DOP1B: variants seen among roughly 807,000 people sequenced by gnomAD.
DOP1B encodes DOP1 leucine zipper like protein B.
Under a neutral mutation model 233.5 loss-of-function variants are expected in DOP1B, and 174 were observed. The observed-to-expected ratio is 0.75, with a 90% CI of 0.66 to 0.85. The LOEUF is 0.85. DOP1B is among the 40% of genes least tolerant of loss of function. The pLI is 0.00. For synonymous variants in DOP1B, 1,190 were observed against 1,185.6 expected, an observed-to-expected ratio of 1.00 and a Z score of -0.08; for missense variants, 2,652 against 2,846.6, an observed-to-expected ratio of 0.93 and a Z score of 1.56.
chr21:36,173,381 C>CAGCATCAT (rs1192670981), intron 2 of DOP1B, among the ~76,000 whole-genome samples: 5 of 151,664 alleles, frequency 3.3e-5, no homozygotes, highest in Non-Finnish European at 5.9e-5. Flanking sequence ...CTCAATGTTT[C>CAGCATCAT]AGCATCATTT....
intron 4 of DOP1B, 112 bp downstream of exon 4, chr21:36,200,613 G>A (rs1372866801): frequency 1.5e-6 from 2 of 1,320,122 alleles, no homozygotes; most frequent in African/African-American, 1.5e-5. Flanking sequence ...GAAGGCCAAG[G>A]TGGGTGGATC....
In DOP1B at chr21:36,270,138, T is replaced by G. The variant is rs768080002; in HGVS notation, c.5613T>G (p.Asp1871Glu). 19 of 1,614,010 alleles carry G rather than the reference T, an allele frequency of 1.2e-5. 1 individual carries two copies. Among genetic ancestry groups the G allele is most frequent in the Middle Eastern group, 3.3e-4 (2 of 6,078 alleles). ...CTCAGGCCTCTCTAGAAGAATCTGA[T>G]GCTGAGGAGGACCTGTATGGTAGGT... ...AQPQASLEES[D>E]AEEDLYDAAA... Residue 1871 changes from aspartate to glutamate, a missense_variant, in exon 27 of 37, where the codon GAT becomes GAG. Around this residue, in one of 3 missense-constraint regions of DOP1B, gnomAD observed 2,617 missense variants for 2,794.3 expected, o/e 0.94. Transcript: ENST00000691173.
chr21:36,227,160 A>T (rs1305068250), intron 12 of DOP1B, among the ~76,000 whole-genome samples: 1 of 150,886 alleles, frequency 6.6e-6, no homozygotes, highest in Non-Finnish European at 1.5e-5. Flanking sequence ...GTGAGCCGAG[A>T]TCACACCACT....
At chr21:36,208,595 T>G (rs1601412593) in intron 4 of DOP1B, 120 bp from the exon 5 acceptor site, 34 of 1,056,300 alleles carry the variant, frequency 3.2e-5, no homozygotes. Context: ...ATGAGGAAGG[T>G]GGGGCTTCCC....
At chr21:36,253,520 C>T (rs1182087897) in intron 22 of DOP1B, among the ~76,000 whole-genome samples, 1 of 152,002 alleles carries the variant, frequency 6.6e-6, no homozygotes, top group African/African-American at 2.4e-5. Context: ...TTGAGACCAG[C>T]CTAGCCAACA....
In DOP1B at chr21:36,187,094, C is replaced by A. The variant is rs565173700; in HGVS notation, c.139-11976C>A. 1.2e-4 allele frequency among the ~76,000 whole-genome samples: 16 copies of A among 138,122 alleles called. No homozygotes were observed. In the East Asian group the frequency reaches 3.3e-3, roughly 29 times the overall value. 90.6% of individuals were successfully genotyped at this position (138,122 alleles called of 152,430 possible). On this transcript the variant is annotated intron_variant, in intron 2 of 36. Coordinates refer to ENST00000691173, the MANE Select transcript of DOP1B (RefSeq NM_001320714.2). ...GCTCAGGCCTTGGCTTCAGCAATGT[C>A]ATTCCCCCAGCAGACGGTGAGTGGG...
chr21:36,235,145 C>T (rs1051883997), intron 15 of DOP1B, among the ~76,000 whole-genome samples: 54 of 152,210 alleles, frequency 3.5e-4, no homozygotes, highest in African/African-American at 1.3e-3. Flanking sequence ...CAGCTAGTGC[C>T]TGTCCCTGTT....
chr21:36,169,230 C>A (rs1038164013), intron 2 of DOP1B: 6 of 985,898 alleles, frequency 6.1e-6, no homozygotes, highest in Non-Finnish European at 9.7e-6. Context: ...ACAAAGCCAC[C>A]CAGAAGGTCG....
chr21:36,261,754 A>G, intron 24 of DOP1B: 1 of 738,796 alleles, frequency 1.4e-6, no homozygotes, highest in Non-Finnish European at 1.7e-6. Flanking sequence ...CTAAAACTAC[A>G]AAAAATTAGC....
intron 26 of DOP1B, 112 bp from the exon 27 acceptor site, chr21:36,269,901 T>C (rs920629517): frequency 9.0e-7 from 1 of 1,114,822 alleles, no homozygotes; most frequent in Non-Finnish European, 1.3e-6. Flanking sequence ...ATGGTACGTA[T>C]ATGCTCACAG....
chr21:36,288,059 C>G lies in DOP1B; in HGVS notation c.6206C>G (p.Ala2069Gly). Reference protein sequence around the residue: ...NLRVGQTSIVAAQMFLFFRVL... With the variant: ...NLRVGQTSIVGAQMFLFFRVL... The stretch of plus-strand genomic sequence containing the variant: ...AGAGTTGGACAGACATCCATAGTTG[C>G]TGCTCAGATGTTTCTTTTTTTCAGA... Residue 2069 changes from alanine to glycine, a missense_variant, in exon 33 of 37, where the codon GCT becomes GGT. Physicochemically the swap from Ala to Gly is moderately conservative, Grantham distance 60. Around this residue, in one of 3 missense-constraint regions of DOP1B, gnomAD observed 2,617 missense variants for 2,794.3 expected, o/e 0.94. Coordinates refer to ENST00000691173, the MANE Select transcript of DOP1B (RefSeq NM_001320714.2). 6.2e-7 allele frequency: 1 copy of G among 1,613,994 alleles called. No homozygotes were observed. The highest frequency in any genetic ancestry group is 8.5e-7 in the Non-Finnish European group (1 of 1,179,976).
intron 15 of DOP1B, among the ~76,000 whole-genome samples, chr21:36,233,424 A>G (rs374795115): frequency 5.6e-4 from 85 of 152,304 alleles, no homozygotes; most frequent in African/African-American, 1.9e-3. Flanking sequence ...TGGGAAGGTG[A>G]CGTGCTGGTG....
At chr21:36,236,640 G>A (rs2123563290) in intron 15 of DOP1B, among the ~76,000 whole-genome samples, 1 of 152,334 alleles carries the variant, frequency 6.6e-6, no homozygotes, top group Middle Eastern at 3.4e-3. Context: ...CTTTCTGAAA[G>A]TAATGTTGAG....
At chr21:36,283,817 C>T (rs36037816) in intron 32 of DOP1B, among the ~76,000 whole-genome samples, 62,798 of 151,624 alleles carry the variant, frequency 0.41, 13,073 homozygotes, top group Middle Eastern at 0.51. Flanking sequence ...TAGACAGTGG[C>T]CCTAAGGGAA....
chr21:36,230,354 T>G, intron 13 of DOP1B, 96 bp from the exon 14 acceptor site: 1 of 1,411,904 alleles, frequency 7.1e-7, no homozygotes, highest in Non-Finnish European at 9.5e-7. Flanking sequence ...GTGATGATTT[T>G]GAAAAACAGA....
intron 18 of DOP1B, among the ~76,000 whole-genome samples, chr21:36,242,311 T>G (rs2066902376): frequency 6.6e-6 from 1 of 152,074 alleles, no homozygotes. Flanking sequence ...TAGCTGGGAT[T>G]ACAGGCGCTG....
intron 2 of DOP1B, among the ~76,000 whole-genome samples, chr21:36,191,267 A>C (rs1434266180): frequency 5.4e-5 from 8 of 149,470 alleles, no homozygotes; most frequent in South Asian, 2.1e-4. Context: ...AAAAAAAAAA[A>C]ACAAAAAACA....
rs774145461 is a variant in DOP1B at position 36,253,784 on chromosome 21, G to T, written c.5134G>T (p.Ala1712Ser). The change falls in exon 23 of 37, where the codon GCA becomes TCA. Residue 1712 changes from alanine to serine, a missense_variant. Transcript: ENST00000691173. Reference sequence around the variant, plus strand: ...TTTTTCTTGGCAGATTATCCCAACGGCAAGTGCATCCCAGCTAACCCTTGT... The same window carrying T: ...TTTTTCTTGGCAGATTATCCCAACGTCAAGTGCATCCCAGCTAACCCTTGT... ...RHSKMKIIPT[A>S]SASQLTLVDL... 1 of 1,612,188 alleles carries T rather than the reference G, an allele frequency of 6.2e-7. No individual in the cohort carries two copies. Among genetic ancestry groups the T allele is most frequent in the East Asian group, 2.2e-5 (1 of 44,820 alleles).
intron 2 of DOP1B, among the ~76,000 whole-genome samples, chr21:36,193,627 C>A (rs1006708399): frequency 4.6e-5 from 7 of 152,288 alleles, no homozygotes; most frequent in African/African-American, 1.7e-4. Context: ...TCCTGCACCC[C>A]ATTAGTATCC....
Sources: allele counts gnomAD v4.1 joint callset (sites outside exome capture counted in the v4.1 genomes callset), GRCh38; gene constraint gnomAD v4.1.1; regional missense constraint gnomAD v4.1.1; transcripts MANE v1.5; gene names NCBI Gene and HGNC (gene_info 2026-07-23, HGNC 2026-07-21).